CAMSAP3: variants seen among roughly 807,000 people sequenced by gnomAD.
CAMSAP3 encodes calmodulin-regulated spectrin-associated protein 3.
CAMSAP3 carries 34 observed loss-of-function variants against 112.5 expected under a neutral mutation model. The ratio of observed to expected loss-of-function variants is 0.30; its 90% CI spans 0.23 to 0.40. The LOEUF (loss-of-function observed/expected upper bound fraction) is 0.40, where lower values mean the gene tolerates loss of function less well. Among genes scored for constraint, CAMSAP3 ranks in the 10% least tolerant of loss-of-function variants. The pLI is 1.00. For synonymous variants in CAMSAP3, 868 were observed against 799.8 expected (o/e 1.09, Z -1.44); for missense variants, 1,602 against 1,770.3 (o/e 0.90, Z 1.71).
chr19:7,615,238 G>C lies in CAMSAP3; in HGVS notation c.2726G>C (p.Arg909Pro). The C allele has an allele frequency of 6.4e-7, 1 of 1,551,700 alleles. No individual in the cohort carries two copies. The highest frequency in any genetic ancestry group is 8.7e-7 in the Non-Finnish European group (1 of 1,147,782). The change falls in exon 12 of 17, where the codon CGG (arginine) becomes CCG (proline). Residue 909 changes from arginine (R) to proline (P), a missense_variant. Arg to Pro is a moderately radical substitution (Grantham distance 103). Coordinates refer to ENST00000160298, the MANE Select transcript of CAMSAP3 (RefSeq NM_020902.2). This position sits in a 1 kb window ranked among gnomAD's most constrained non-coding sequence, Gnocchi z 6.5. ...CAAAAGCGGGCCAGCCTGCTGGAGC[G>C]GCAGCAGCGGCGAGCAGAGGAGGCG... ...MAQKRASLLE[R>P]QQRRAEEARR...
Position 7,615,488 on chromosome 19 carries a change from G to A in CAMSAP3, c.2881G>A (p.Ala961Thr). The A allele has an allele frequency of 1.3e-6, 2 of 1,540,344 alleles. No homozygotes were observed. The highest frequency in any genetic ancestry group is 2.0e-5 in the Admixed American group (1 of 50,538). Residue 961 changes from alanine to threonine, a missense_variant, in exon 13 of 17, where the codon GCT becomes ACT. Physicochemically the swap from Ala to Thr is moderately conservative, Grantham distance 58 (BLOSUM62 0). Around this residue, in one of 6 missense-constraint regions of CAMSAP3, gnomAD observed 1,100 missense variants for 1,135.7 expected, o/e 0.97. Transcript: ENST00000160298. The surrounding 1 kb of genome is among the most constrained non-coding windows in gnomAD (Gnocchi z 6.5). ...AGTCCCGATGGCGACTCCAGCCCCTGCTGCCCGGGCTCCAGCCGAGGAGGA... is the reference window on the plus strand; with the variant it reads ...AGTCCCGATGGCGACTCCAGCCCCTACTGCCCGGGCTCCAGCCGAGGAGGA... Reference protein sequence around the residue: ...SAVPMATPAPAARAPAEEEVG... With the variant: ...SAVPMATPAPTARAPAEEEVG...
rs747913590 is a variant in CAMSAP3 at position 7,612,950 on chromosome 19, C to G, written c.2457C>G (p.Pro819=). 3.1e-6 allele frequency: 5 copies of G among 1,607,380 alleles called. No individual in the cohort carries two copies. The highest frequency in any genetic ancestry group is 1.1e-5 in the South Asian group (1 of 90,442). ...HLRKFSPSQV[P]VQTRSSILLA... ...GCAAGTTCTCGCCGAGCCAGGTGCC[C>G]GTGCAGACGCGCTCTTCCATCCTCC... Residue 819 remains proline, a synonymous_variant, in exon 11 of 17, where the codon CCC becomes CCG. Coordinates refer to ENST00000160298, the MANE Select transcript of CAMSAP3 (RefSeq NM_020902.2).
At chr19:7,616,399 G>A in intron 13 of CAMSAP3, 124 bp from the exon 14 acceptor site, 3 of 713,586 alleles carry the variant, frequency 4.2e-6, no homozygotes, top group East Asian at 2.7e-5. Flanking sequence ...TAGGGGTGCT[G>A]CAGAGGGCCG....
chr19:7,598,409 A>G (rs891406367), intron 1 of CAMSAP3, among the ~76,000 whole-genome samples: 4 of 152,150 alleles, frequency 2.6e-5, no homozygotes, highest in Admixed American at 1.3e-4. Context: ...TATGGATCCA[A>G]GGGTACTGGG....
chr19:7,605,522 A>G, intron 2 of CAMSAP3, 43 bp downstream of exon 2: 1 of 1,421,576 alleles, frequency 7.0e-7, no homozygotes, highest in South Asian at 1.6e-5. Context: ...TACCATGCTC[A>G]GCTCCTCCCC....
intron 1 of CAMSAP3, among the ~76,000 whole-genome samples, chr19:7,604,688 TA>T (rs1316464027): frequency 6.6e-6 from 1 of 151,714 alleles, no homozygotes; most frequent in Non-Finnish European, 1.5e-5. Flanking sequence ...TTGCTGGGTC[TA>T]ACCCCAGTCC....
At position 7,611,770 on chromosome 19, in the gene CAMSAP3, T is replaced by A. The variant is rs1488349847; in HGVS notation, c.1277T>A (p.Leu426His). The A allele has an allele frequency of 6.3e-7, 1 of 1,593,604 alleles. No individual in the cohort carries two copies. Among genetic ancestry groups the A allele is most frequent in the African/African-American group, 1.3e-5 (1 of 74,788 alleles). Residue 426 changes from leucine (L) to histidine (H), a missense_variant, in exon 11 of 17, where the codon CTC becomes CAC. Coordinates refer to ENST00000160298, the MANE Select transcript of CAMSAP3 (RefSeq NM_020902.2). This position sits in a 1 kb window ranked among gnomAD's most constrained non-coding sequence, Gnocchi z 6.9. ...DVDVVMGDPV[L>H]LRSVSSDSLG... ...GATGTCGTCATGGGAGACCCTGTGC[T>A]CCTCCGCTCTGTGAGCTCGGACAGC...
chr19:7,607,690 A>T lies in CAMSAP3; in HGVS notation c.622-436A>T, dbSNP rs1364000218. 5 of 384,286 alleles carry T rather than the reference A, an allele frequency of 1.3e-5. No individual in the cohort carries two copies. The highest frequency in any genetic ancestry group is 4.6e-5 in the Admixed American group (1 of 21,874). 23.8% of individuals were successfully genotyped at this position (384,286 alleles called of 1,614,324 possible). A position where few individuals can be genotyped will look rare whatever the true frequency, so the allele number is the denominator to read the frequency against. On this transcript the variant is annotated intron_variant, in intron 4 of 16. Transcript: ENST00000160298. The surrounding 1 kb of genome is among the most constrained non-coding windows in gnomAD (Gnocchi z 4.9). ...AGCTGGGGTTCGCGAAGCCGGCCAGAGCAGTCAGGGAGCTGGACGGCCGGG... is the reference window on the plus strand; with the variant it reads ...AGCTGGGGTTCGCGAAGCCGGCCAGTGCAGTCAGGGAGCTGGACGGCCGGG...
rs200223315 is a variant in CAMSAP3, at chr19:7,610,554, G to A, written c.839G>A (p.Arg280His). 131 of 1,613,548 alleles carry A rather than the reference G, an allele frequency of 8.1e-5. No homozygotes were observed. The highest frequency in any genetic ancestry group is 9.7e-5 in the Non-Finnish European group (114 of 1,179,998). ...LQLVQDFCAS[R>H]LPRGCPLSLE... The stretch of plus-strand genomic sequence containing the variant: ...CTCGTGCAGGATTTCTGTGCCTCTC[G>A]CCTTCCTCGTGGCTGCCCCCTGTCC... The change falls in exon 6 of 17, where the codon CGC becomes CAC. Residue 280 changes from arginine to histidine, a missense_variant. Physicochemically the swap from Arg to His is conservative, Grantham distance 29. Transcript: ENST00000160298. The surrounding 1 kb of genome is among the most constrained non-coding windows in gnomAD (Gnocchi z 4.9).
chr19:7,612,737 C>T lies in CAMSAP3; in HGVS notation c.2244C>T (p.Pro748=), dbSNP rs1406229229. The change falls in exon 11 of 17, where the codon CCC becomes CCT. Residue 748 remains proline, a synonymous_variant. Coordinates refer to ENST00000160298, the MANE Select transcript of CAMSAP3 (RefSeq NM_020902.2). ...CTGCTGCGTGGGTCATCCCTGGCCCCACGACGGGGCCCAAAGCTGCATCCC... is the reference window on the plus strand; with the variant it reads ...CTGCTGCGTGGGTCATCCCTGGCCCTACGACGGGGCCCAAAGCTGCATCCC... ...PPPAAWVIPG[P]TTGPKAASPS... is the part of the protein sequence containing the mutation. The T allele has an allele frequency of 2.6e-6, 4 of 1,531,788 alleles. No individual in the cohort carries two copies. The Admixed American group carries it at 5.9e-5, about 23-fold the overall frequency. The allele number at this position is 1,531,788 out of a possible 1,614,324, so 94.9% of individuals were successfully genotyped here. A position where few individuals can be genotyped will look rare whatever the true frequency, so the allele number is the denominator to read the frequency against.
intron 2 of CAMSAP3, 103 bp from the exon 3 acceptor site, chr19:7,606,164 CGTCA>C: frequency 8.5e-6 from 7 of 823,734 alleles, no homozygotes; most frequent in Admixed American, 2.1e-5. Flanking sequence ...CCACCCCCCC[CGTCA>C]AGTCCCTCCC....
At chr19:7,606,746 G>A (rs746746761) in intron 4 of CAMSAP3, 175 bp downstream of exon 4, 20 of 1,613,392 alleles carry the variant, frequency 1.2e-5, no homozygotes, top group Non-Finnish European at 1.5e-5. Flanking sequence ...GCCGGTACCC[G>A]CTGCCCTCCT....
At position 7,612,990 on chromosome 19, in the gene CAMSAP3, C is replaced by T. The variant is rs961992421; in HGVS notation, c.2497C>T (p.Pro833Ser). 1.9e-6 allele frequency: 3 copies of T among 1,583,002 alleles called. No homozygotes were observed. Among genetic ancestry groups the T allele is most frequent in the African/African-American group, 1.4e-5 (1 of 73,464 alleles). Residue 833 changes from proline to serine, a missense_variant, in exon 11 of 17, where the codon CCC (proline) becomes TCC (serine). By Grantham distance (74) the Pro-to-Ser change is moderately conservative. Transcript: ENST00000160298. Reference protein sequence around the residue: ...RSSILLAEETPPEEPAARPGL... With the variant: ...RSSILLAEETSPEEPAARPGL... ...TTCCATCCTCCTGGCGGAGGAGACG[C>T]CCCCCGAGGAGCCAGCCGCCCGGCC...
Position 7,615,162 on chromosome 19 carries a change from G to A in CAMSAP3, c.2671-21G>A, listed in dbSNP as rs1328480346. 3.2e-6 allele frequency: 5 copies of A among 1,553,500 alleles called. No individual in the cohort carries two copies. The highest frequency in any genetic ancestry group is 1.2e-5 in the South Asian group (1 of 84,284). ...ATGTTGGGGGAGGGGGTGGCTGGCT[G>A]GACTCGGCGTCTGTCCCCAGGATGA... On this transcript the variant is annotated intron_variant, in intron 11 of 16. Transcript: ENST00000160298. The surrounding 1 kb of genome is among the most constrained non-coding windows in gnomAD (Gnocchi z 6.5).
At position 7,615,898 on chromosome 19, in the gene CAMSAP3, T is replaced by A. The variant is rs1436771834; in HGVS notation, c.3112+179T>A. On this transcript the variant is annotated intron_variant, in intron 13 of 16. Coordinates refer to ENST00000160298, the MANE Select transcript of CAMSAP3 (RefSeq NM_020902.2). The surrounding 1 kb of genome is among the most constrained non-coding windows in gnomAD (Gnocchi z 6.5). ...TGGACACTGTCTCTTGGGTAAAGACTTCCATAGGGGGCCGGGCGCGGTGGC... is the reference window on the plus strand; with the variant it reads ...TGGACACTGTCTCTTGGGTAAAGACATCCATAGGGGGCCGGGCGCGGTGGC... Among the ~76,000 whole-genome samples, 1 of 151,846 alleles carries A rather than the reference T, an allele frequency of 6.6e-6. No individual in the cohort carries two copies. Among genetic ancestry groups the A allele is most frequent in the Non-Finnish European group, 1.5e-5 (1 of 67,902 alleles).
At position 7,612,867 on chromosome 19, in the gene CAMSAP3, G is replaced by A. The variant is rs2030579453; in HGVS notation, c.2374G>A (p.Ala792Thr). Reference sequence around the variant, plus strand: ...CACGCGGCCAGCGGAGCTGCGGCTGGCACCCTTGACCAGGGTGCTTACGCC... The same window carrying A: ...CACGCGGCCAGCGGAGCTGCGGCTGACACCCTTGACCAGGGTGCTTACGCC... ...KHTRPAELRL[A>T]PLTRVLTPPH... Residue 792 changes from alanine (A) to threonine (T), a missense_variant, in exon 11 of 17, where the codon GCA (alanine) becomes ACA (threonine). This residue lies in a region of CAMSAP3 where 1,100 missense variants were observed against 1,135.7 expected (regional missense o/e 0.97). Transcript: ENST00000160298. 1.2e-6 allele frequency: 2 copies of A among 1,602,292 alleles called. No individual in the cohort carries two copies. Among genetic ancestry groups the A allele is most frequent in the South Asian group, 1.1e-5 (1 of 90,188 alleles).
Position 7,606,729 on chromosome 19 carries a change from C to T in CAMSAP3, c.621+158C>T, listed in dbSNP as rs779906771. 5 of 1,612,902 alleles carry T rather than the reference C, an allele frequency of 3.1e-6. No individual in the cohort carries two copies. In the South Asian group the frequency reaches 4.4e-5, roughly 14 times the overall value. Reference sequence around the variant, plus strand: ...CTCAATCTCTCTGTGCCCTGCCCGTCCCCTGTGCCGGTACCCGCTGCCCTC... The same window carrying T: ...CTCAATCTCTCTGTGCCCTGCCCGTTCCCTGTGCCGGTACCCGCTGCCCTC... On this transcript the variant is annotated intron_variant, in intron 4 of 16. Transcript: ENST00000160298.
At position 7,611,485 on chromosome 19, in the gene CAMSAP3, TC is replaced by T; in HGVS notation, c.1124-28del. On this transcript the variant is annotated intron_variant, in intron 9 of 16. Transcript: ENST00000160298. The surrounding 1 kb of genome is among the most constrained non-coding windows in gnomAD (Gnocchi z 6.9). The stretch of plus-strand genomic sequence containing the variant: ...CTGACCCCACTCAGGGTTCCCAGGG[TC>T]CCCATAGTGACCACTCATCGCCTCC... The T allele has an allele frequency of 6.3e-7, 1 of 1,577,608 alleles. No homozygotes were observed. Among genetic ancestry groups the T allele is most frequent in the Non-Finnish European group, 8.6e-7 (1 of 1,161,288 alleles).
chr19:7,618,061 C>A lies in CAMSAP3; in HGVS notation c.*4C>A. On this transcript the variant is annotated 3_prime_UTR_variant, in exon 17 of 17. Transcript: ENST00000160298. Reference sequence around the variant, plus strand: ...GGGCGGCGGCACCCCCAAATAGCCCCACCCGGGCGGTCCACGGGCCGGGCC... The same window carrying A: ...GGGCGGCGGCACCCCCAAATAGCCCAACCCGGGCGGTCCACGGGCCGGGCC... 5 of 1,609,234 alleles carry A rather than the reference C, an allele frequency of 3.1e-6. No individual in the cohort carries two copies. The highest frequency in any genetic ancestry group is 4.2e-6 in the Non-Finnish European group (5 of 1,177,946).
Sources: allele counts gnomAD v4.1 joint callset (sites outside exome capture counted in the v4.1 genomes callset), GRCh38; gene constraint gnomAD v4.1.1; regional missense constraint gnomAD v4.1.1; non-coding constraint Gnocchi (gnomAD v3.1); transcripts MANE v1.5; gene names NCBI Gene and HGNC (gene_info 2026-07-23, HGNC 2026-07-21).